The following CD55 variants were observed in gnomAD, a reference collection of about 807,000 sequenced individuals.
The protein encoded by CD55 is complement decay-accelerating factor.
CD55 carries 41 observed loss-of-function variants against 45.8 expected under a neutral mutation model. The observed-to-expected ratio is 0.90, with a 90% CI of 0.70 to 1.16. CD55 has a LOEUF of 1.16. Among genes scored for constraint, CD55 ranks in the 50% most tolerant of loss-of-function variants. CD55 has a pLI of 0.00. For missense variants in CD55, 416 were observed against 469.8 expected (o/e 0.89, Z 1.06); for synonymous variants, 181 against 181.1 (o/e 1.00, Z 0.01).
rs138863251 is a variant in CD55, at chr1:207,345,825, A to G, written c.1081+6408A>G. Among the ~76,000 whole-genome samples the G allele has an allele frequency of 4.2e-3, 638 of 152,322 alleles. 5 individuals are homozygous for G. Among genetic ancestry groups the G allele is most frequent in the African/African-American group, 0.014 (601 of 41,582 alleles). On this transcript the variant is annotated intron_variant, in intron 9 of 9. Transcript: ENST00000367064. ...GTGCATGCAGTAGTGTAGTTTCTGT[A>G]TGACTTTCAGCTGTAAATATCATCA...
chr1:207,325,204 G>A (rs1165028714), intron 3 of CD55, among the ~76,000 whole-genome samples: 4 of 151,834 alleles, frequency 2.6e-5, no homozygotes, highest in South Asian at 2.1e-4. Flanking sequence ...GTGTGGTGGC[G>A]CATGCCTGTA....
At chr1:207,341,905 C>T (rs898115825) in intron 9 of CD55, among the ~76,000 whole-genome samples, 2 of 152,050 alleles carry the variant, frequency 1.3e-5, no homozygotes, top group East Asian at 3.8e-4. Context: ...TTTGTGCCCT[C>T]TTCGATTTCT....
At position 207,324,686 on chromosome 1, in the gene CD55, T is replaced by G. The variant is rs777267140; in HGVS notation, c.414T>G (p.Ser138=). ...GTCCAGGTTACAGAAGAGAACCTTC[T>G]CTATCACCAAAACTAACTTGCCTTC... ...ECRPGYRREP[S]LSPKLTCLQN... is the part of the protein sequence containing the mutation. The change falls in exon 3 of 10, where the codon TCT becomes TCG. Residue 138 remains serine, a synonymous_variant. Coordinates refer to ENST00000367064, the MANE Select transcript of CD55 (RefSeq NM_000574.5). The G allele has an allele frequency of 3.7e-6, 6 of 1,613,542 alleles. No homozygotes were observed. Among genetic ancestry groups the G allele is most frequent in the Non-Finnish European group, 5.1e-6 (6 of 1,179,720 alleles).
chr1:207,340,388 C>G, intron 9 of CD55: 1 of 423,934 alleles, frequency 2.4e-6, no homozygotes, highest in South Asian at 5.9e-5. Flanking sequence ...TTTTTTGAGA[C>G]AGGTTCTCGT....
intron 4 of CD55, 72 bp from the exon 5 acceptor site, chr1:207,326,680 A>G: frequency 9.3e-7 from 1 of 1,075,532 alleles, no homozygotes; most frequent in Non-Finnish European, 1.4e-6. Flanking sequence ...TAAGATAATA[A>G]CCTGGAGAAT....
At chr1:207,359,228 TA>T (rs1392451551) in intron 9 of CD55, among the ~76,000 whole-genome samples, 3 of 152,230 alleles carry the variant, frequency 2.0e-5, no homozygotes, top group African/African-American at 4.8e-5. Flanking sequence ...TTTATTTTTA[TA>T]TTTTTTTAAC....
chr1:207,326,863 C>G (rs778130563), intron 5 of CD55, 26 bp downstream of exon 5: 1 of 1,500,360 alleles, frequency 6.7e-7, no homozygotes, highest in South Asian at 1.1e-5. Flanking sequence ...TCTAAGCACT[C>G]AGATTGTGAG....
chr1:207,350,856 G>C (rs565445772), intron 9 of CD55, among the ~76,000 whole-genome samples: 2 of 151,908 alleles, frequency 1.3e-5, no homozygotes, highest in African/African-American at 2.4e-5. Context: ...ATTCAGTTCA[G>C]CTCTGATTTT....
rs1572864255 is a variant in CD55 at position 207,321,690 on chromosome 1, A to C, written c.-76A>C. ...AGCCACGAGGCTTCTGCTTACTGCA[A>C]CTCGCTCCGGCCGCTGGGCGTAGCT... On this transcript the variant is annotated 5_prime_UTR_variant, in exon 1 of 10. Transcript: ENST00000367064. 4 of 1,130,090 alleles carry C rather than the reference A, an allele frequency of 3.5e-6. No individual in the cohort carries two copies. The highest frequency in any genetic ancestry group is 4.9e-6 in the Non-Finnish European group (4 of 822,186). The allele number at this position is 1,130,090 out of a possible 1,614,324, so 70.0% of individuals were successfully genotyped here.
chr1:207,337,536 A>G (rs2102408905), intron 8 of CD55, 127 bp downstream of exon 8: 2 of 578,704 alleles, frequency 3.5e-6, no homozygotes, highest in East Asian at 3.0e-5. Flanking sequence ...TCATACTAAT[A>G]CTTTTTACTT....
intron 9 of CD55, chr1:207,347,584 A>C: frequency 4.6e-6 from 1 of 216,356 alleles, no homozygotes; most frequent in Non-Finnish European, 9.7e-6. Flanking sequence ...TTTTTCTTCC[A>C]CCTTTTATTT....
At position 207,322,511 on chromosome 1, in the gene CD55, A is replaced by C. The variant is rs1654466559; in HGVS notation, c.230A>C (p.Asp77Ala). 3 of 1,614,092 alleles carry C rather than the reference A, an allele frequency of 1.9e-6. No individual in the cohort carries two copies. In the African/African-American group the frequency reaches 4.0e-5, roughly 22 times the overall value. Residue 77 changes from aspartate to alanine, a missense_variant, in exon 2 of 10, where the codon GAC (aspartate) becomes GCC (alanine). Transcript: ENST00000367064. The stretch of plus-strand genomic sequence containing the variant: ...TTTGTGAAAATTCCTGGCGAGAAGG[A>C]CTCAGTGATCTGCCTTAAGGGCAGT... ...ESFVKIPGEK[D>A]SVICLKGSQW...
At chr1:207,327,023 A>G (rs1329193869) in intron 5 of CD55, among the ~76,000 whole-genome samples, 186 bp downstream of exon 5, 2 of 152,244 alleles carry the variant, frequency 1.3e-5, no homozygotes, top group Admixed American at 1.3e-4. Context: ...CTGTGAAGAT[A>G]AACCAGCAAG....
intron 6 of CD55, among the ~76,000 whole-genome samples, chr1:207,333,850 G>T (rs1195564573): frequency 6.6e-6 from 1 of 152,124 alleles, no homozygotes; most frequent in African/African-American, 2.4e-5. Flanking sequence ...AGAGAAAAAG[G>T]AATGTGAAAT....
At chr1:207,359,070 C>T (rs1257837208) in intron 9 of CD55, among the ~76,000 whole-genome samples, 1 of 152,024 alleles carries the variant, frequency 6.6e-6, no homozygotes, top group African/African-American at 2.4e-5. Flanking sequence ...TTTTATAGGT[C>T]ATGTTTATAG....
At position 207,331,402 on chromosome 1, in the gene CD55, A is replaced by G. The variant is rs1050800311; in HGVS notation, c.853+106A>G. ...CCTAAGAAAAAAATGTAAAATGTTT[A>G]CATATACATATTTGTATTTTTCTGT... On this transcript the variant is annotated intron_variant, in intron 6 of 9. Coordinates refer to ENST00000367064, the MANE Select transcript of CD55 (RefSeq NM_000574.5). 16 of 914,084 alleles carry G rather than the reference A, an allele frequency of 1.8e-5. 1 individual carries two copies. The highest frequency in any genetic ancestry group is 9.1e-5 in the South Asian group (6 of 65,902). 56.6% of individuals were successfully genotyped at this position (914,084 alleles called of 1,614,324 possible).
chr1:207,357,888 A>T (rs1277068257), intron 9 of CD55, among the ~76,000 whole-genome samples: 1 of 152,220 alleles, frequency 6.6e-6, no homozygotes, highest in African/African-American at 2.4e-5. Context: ...TAAATGAGGC[A>T]CAGTAAGAGA....
In CD55 at chr1:207,334,188, C is replaced by G. The variant is rs558055007; in HGVS notation, c.854-2505C>G. ...AAAGAAGCAACAGTATAACTGATTA[C>G]TGCTCAGCAAAAAATGATGCAAACC... On this transcript the variant is annotated intron_variant, in intron 6 of 9. Transcript: ENST00000367064. Among the ~76,000 whole-genome samples, 3 of 152,226 alleles carry G rather than the reference C, an allele frequency of 2.0e-5. No homozygotes were observed. In the East Asian group the frequency reaches 5.8e-4, roughly 29 times the overall value.
At chr1:207,358,376 A>C (rs1441989984) in intron 9 of CD55, 1 of 152,144 alleles carries the variant, frequency 6.6e-6, no homozygotes, top group African/African-American at 2.4e-5. Context: ...GGATTGATTT[A>C]TTTCTTTTAG....
Sources: allele counts gnomAD v4.1 joint callset (sites outside exome capture counted in the v4.1 genomes callset), GRCh38; gene constraint gnomAD v4.1.1; transcripts MANE v1.5; gene names NCBI Gene and HGNC (gene_info 2026-07-23, HGNC 2026-07-21).